AFAP1L2: variants seen among roughly 807,000 people sequenced by gnomAD.
The protein encoded by AFAP1L2 is actin filament associated protein 1 like 2.
A neutral mutation model predicts 99.3 loss-of-function variants in AFAP1L2; 46 were observed. That is an observed-to-expected ratio of 0.46 (90% confidence interval 0.37 to 0.59). The LOEUF (loss-of-function observed/expected upper bound fraction) is 0.59, where lower values mean the gene tolerates loss of function less well. Ranked by LOEUF, AFAP1L2 falls within the 20% of genes least tolerant of loss-of-function variation. The pLI is 0.00. For missense variants in AFAP1L2, 959 were observed against 1,034.9 expected (o/e 0.93, Z 1.01); for synonymous variants, 397 against 419.1 (o/e 0.95, Z 0.64).
intron 5 of AFAP1L2, among the ~76,000 whole-genome samples, chr10:114,321,718 G>A (rs2045373971): frequency 6.6e-6 from 1 of 152,192 alleles, no homozygotes. Context: ...CCACAGAGAC[G>A]AGGGTCACAA....
At chr10:114,284,839 G>A in the AFAP1L2 span, 4 of 1,588,926 alleles carry the variant, frequency 2.5e-6, no homozygotes, top group African/African-American at 2.7e-5. Context: ...GGTGCTTAGC[G>A]GTTAATGGGC....
intron 1 of AFAP1L2, among the ~76,000 whole-genome samples, chr10:114,345,160 A>C (rs1473392242): frequency 6.7e-6 from 1 of 148,348 alleles, no homozygotes; most frequent in Non-Finnish European, 1.5e-5. Context: ...GAGCCCTGAA[A>C]GTACATGTGT....
chr10:114,290,605 A>G (rs1465901732), downstream of AFAP1L2, among the ~76,000 whole-genome samples: 3 of 152,208 alleles, frequency 2.0e-5, no homozygotes, highest in African/African-American at 7.2e-5. Context: ...TTCCATTCTA[A>G]TGGGAAGACA....
At chr10:114,312,081 G>A (rs993912736) in intron 7 of AFAP1L2, among the ~76,000 whole-genome samples, 3 of 152,286 alleles carry the variant, frequency 2.0e-5, no homozygotes, top group Non-Finnish European at 2.9e-5. Flanking sequence ...TGCTGAAAGC[G>A]TTCTTGTCTT....
At chr10:114,374,368 G>C (rs1799096485) in intron 1 of AFAP1L2, among the ~76,000 whole-genome samples, 1 of 152,226 alleles carries the variant, frequency 6.6e-6, no homozygotes, top group African/African-American at 2.4e-5. Context: ...CTCTGGCACA[G>C]AACCATAATG....
chr10:114,354,219 A>C (rs1170172576), intron 1 of AFAP1L2, among the ~76,000 whole-genome samples: 1 of 152,186 alleles, frequency 6.6e-6, no homozygotes, highest in African/African-American at 2.4e-5. Flanking sequence ...TAATATTAGG[A>C]AGAGTGGAAG....
chr10:114,309,791 A>C (rs1336556186), intron 8 of AFAP1L2, among the ~76,000 whole-genome samples: 1 of 152,170 alleles, frequency 6.6e-6, no homozygotes, highest in Non-Finnish European at 1.5e-5. Flanking sequence ...TTGTTCCAAT[A>C]AAGCTTCCCC....
At chr10:114,367,309 G>A (rs1353003420) in intron 1 of AFAP1L2, among the ~76,000 whole-genome samples, 1 of 152,154 alleles carries the variant, frequency 6.6e-6, no homozygotes, top group Non-Finnish European at 1.5e-5. Flanking sequence ...TGGGAATTTA[G>A]ATTTATATCA....
intron 2 of AFAP1L2, among the ~76,000 whole-genome samples, chr10:114,339,291 T>C (rs4751678): frequency 0.69 from 104,172 of 151,886 alleles, 38,343 homozygotes; most frequent in East Asian, 0.92. Flanking sequence ...CTAAAAAATA[T>C]AAAAAATTAG....
At chr10:114,386,542 G>A (rs921944677) in intron 1 of AFAP1L2, among the ~76,000 whole-genome samples, 2 of 152,204 alleles carry the variant, frequency 1.3e-5, no homozygotes, top group Non-Finnish European at 1.5e-5. Flanking sequence ...AATCAGGGCC[G>A]ACAGGTGGGG....
At chr10:114,380,390 A>C (rs2055448185) in intron 1 of AFAP1L2, among the ~76,000 whole-genome samples, 1 of 151,790 alleles carries the variant, frequency 6.6e-6, no homozygotes, top group African/African-American at 2.4e-5. Flanking sequence ...GGAATGAAAA[A>C]CTCTACCTTT....
chr10:114,359,732 A>G (rs933051499), intron 1 of AFAP1L2, among the ~76,000 whole-genome samples: 3 of 152,234 alleles, frequency 2.0e-5, no homozygotes, highest in Non-Finnish European at 2.9e-5. Flanking sequence ...GTAATAGTAT[A>G]TCCTATCCAT....
intron 1 of AFAP1L2, among the ~76,000 whole-genome samples, chr10:114,341,840 G>A (rs553603112): frequency 3.7e-4 from 56 of 152,196 alleles, no homozygotes; most frequent in South Asian, 1.9e-3. Context: ...GTAGTTATCC[G>A]TATAGATCTG....
At chr10:114,340,479 G>A in intron 2 of AFAP1L2, 124 bp downstream of exon 2, 2 of 1,331,074 alleles carry the variant, frequency 1.5e-6, no homozygotes, top group Admixed American at 2.3e-5. Flanking sequence ...GCCTCCAGAA[G>A]TGTGAGAAAA....
chr10:114,305,429 GAGGGGACGCAGA>G (rs1476763127), intron 10 of AFAP1L2, among the ~76,000 whole-genome samples: 8 of 5,296 alleles, frequency 1.5e-3, no homozygotes, highest in Non-Finnish European at 2.0e-3. Context: ...GCAGATGCAG[GAGGGGACGCAGA>G]TGCAGGAGGG....
At chr10:114,284,650 A>G in the AFAP1L2 span, among the ~76,000 whole-genome samples, 1 of 152,214 alleles carries the variant, frequency 6.6e-6, no homozygotes, top group Non-Finnish European at 1.5e-5. Context: ...CAAGCCTGCT[A>G]CAGAGCATCC....
chr10:114,326,132 C>T, intron 4 of AFAP1L2: 2 of 1,032,998 alleles, frequency 1.9e-6, no homozygotes, highest in East Asian at 6.2e-5. Context: ...CTGGGGGCCT[C>T]CTGTCCTGTC....
At chr10:114,334,155 T>C (rs939345205) in intron 2 of AFAP1L2, among the ~76,000 whole-genome samples, 1 of 152,188 alleles carries the variant, frequency 6.6e-6, no homozygotes. Context: ...CCCTATAGAT[T>C]ATACCCTGCA....
At chr10:114,346,062 G>A (rs1394644405) in intron 1 of AFAP1L2, among the ~76,000 whole-genome samples, 1 of 152,208 alleles carries the variant, frequency 6.6e-6, no homozygotes, top group Admixed American at 6.5e-5. Context: ...GGTGCTGTCT[G>A]CTGAGGACAA....
Sources: gnomAD v4.1 joint callset for allele counts (sites outside exome capture counted in the v4.1 genomes callset) on GRCh38, gnomAD v4.1.1 for gene constraint, MANE v1.5 for transcripts, NCBI Gene and HGNC (gene_info 2026-07-23, HGNC 2026-07-21) for gene names.